The following CMBL variants were observed in gnomAD, a reference collection of about 807,000 sequenced individuals.
CMBL encodes the protein carboxymethylenebutenolidase homolog (Pseudomonas).
In CMBL, 17 loss-of-function variants were observed where a neutral mutation model predicts 28.7. The ratio of observed to expected loss-of-function variants is 0.59; its 90% CI spans 0.41 to 0.89. The LOEUF (loss-of-function observed/expected upper bound fraction) is 0.89. Ranked by LOEUF, CMBL falls within the 40% of genes least tolerant of loss-of-function variation. The pLI, the probability that CMBL is intolerant of heterozygous loss-of-function variation, is 0.00. For synonymous variants in CMBL, 106 were observed against 101.6 expected (o/e 1.04, Z -0.26); for missense variants, 310 against 298.5 (o/e 1.04, Z -0.28).
intron 1 of CMBL, among the ~76,000 whole-genome samples, chr5:10,301,499 G>A (rs1010540835): frequency 2.6e-5 from 4 of 152,034 alleles, no homozygotes; most frequent in South Asian, 2.1e-4. Context: ...GGTAAGGGGT[G>A]GGGGCGCGTG....
chr5:10,282,375 C>A (rs1746510472), intron 4 of CMBL, 87 bp from the exon 5 acceptor site: 1 of 721,502 alleles, frequency 1.4e-6, no homozygotes, highest in Non-Finnish European at 2.4e-6. Context: ...TCCCCACACT[C>A]ATGCCACAGA....
At chr5:10,301,465 G>A (rs1217386977) in intron 1 of CMBL, among the ~76,000 whole-genome samples, 1 of 151,410 alleles carries the variant, frequency 6.6e-6, no homozygotes, top group African/African-American at 2.4e-5. Context: ...TCACAATACA[G>A]CGATCATCAA....
At chr5:10,299,315 A>C (rs1372209560) in intron 1 of CMBL, among the ~76,000 whole-genome samples, 1 of 152,230 alleles carries the variant, frequency 6.6e-6, no homozygotes, top group African/African-American at 2.4e-5. Flanking sequence ...ATATGAACAG[A>C]TATTCAACCT....
At chr5:10,297,732 G>A (rs561108214) in intron 1 of CMBL, among the ~76,000 whole-genome samples, 17 of 152,134 alleles carry the variant, frequency 1.1e-4, no homozygotes, top group Admixed American at 2.6e-4. Flanking sequence ...CAATGACCCC[G>A]GGAGAGAGGG....
rs1298537253 is a variant in CMBL at position 10,278,418 on chromosome 5, C to G, written c.*2035G>C. On this transcript the variant is annotated 3_prime_UTR_variant, in exon 6 of 6. Transcript: ENST00000296658. ...GACCCCCACACCCACATGGACCATG[C>G]CGATATCCTACCCACACCGACCCCT... Among the ~76,000 whole-genome samples the G allele has an allele frequency of 6.6e-6, 1 of 152,148 alleles. No individual in the cohort carries two copies. Among genetic ancestry groups the G allele is most frequent in the Non-Finnish European group, 1.5e-5 (1 of 68,032 alleles).
rs1746669070 is a variant in CMBL at position 10,289,676 on chromosome 5, C to A, written c.215+872G>T. ...CTATTTATTTACTTATTTATTTTTA[C>A]TGGGCTTGCCCCTAGAAAGTTAAGT... On this transcript the variant is annotated intron_variant, in intron 2 of 5. Coordinates refer to ENST00000296658, the MANE Select transcript of CMBL (RefSeq NM_138809.4). The surrounding 1 kb of genome is among the most constrained non-coding windows in gnomAD (Gnocchi z 4.3). 6.6e-6 allele frequency among the ~76,000 whole-genome samples: 1 copy of A among 152,196 alleles called. No individual in the cohort carries two copies. The highest frequency in any genetic ancestry group is 6.5e-5 in the Admixed American group (1 of 15,284).
At chr5:10,285,694 C>CT (rs1252497762) in intron 4 of CMBL, among the ~76,000 whole-genome samples, 20 of 87,484 alleles carry the variant, frequency 2.3e-4, no homozygotes, top group African/African-American at 6.3e-4. Flanking sequence ...CTTTCTCTTT[C>CT]TTTTTCTTTT....
At chr5:10,290,470 TTTTA>T in intron 2 of CMBL, 74 bp downstream of exon 2, 1 of 1,283,326 alleles carries the variant, frequency 7.8e-7, no homozygotes, top group Non-Finnish European at 1.1e-6. Flanking sequence ...ACCGCTGTGG[TTTTA>T]TTTTTTAAAG....
intron 1 of CMBL, among the ~76,000 whole-genome samples, chr5:10,295,856 C>G (rs929205980): frequency 1.2e-4 from 18 of 152,338 alleles, no homozygotes; most frequent in African/African-American, 4.3e-4. Flanking sequence ...ACAGTGTAAA[C>G]AAGTGTCCTT....
In CMBL at chr5:10,296,775, A is replaced by G. The variant is rs558650657; in HGVS notation, c.-19-5994T>C. On this transcript the variant is annotated intron_variant, in intron 1 of 5. Coordinates refer to ENST00000296658, the MANE Select transcript of CMBL (RefSeq NM_138809.4). ...GAAGAATGGGTGTTGAGGGGAGAACAATGAATGCTGAGTGTTGCCCTCCGC... is the reference window on the plus strand; with the variant it reads ...GAAGAATGGGTGTTGAGGGGAGAACGATGAATGCTGAGTGTTGCCCTCCGC... Among the ~76,000 whole-genome samples the G allele has an allele frequency of 5.5e-4, 84 of 152,296 alleles. 1 individual carries two copies. The highest frequency in any genetic ancestry group is 3.4e-3 in the Middle Eastern group (1 of 294).
chr5:10,289,772 C>T lies in CMBL; in HGVS notation c.215+776G>A, dbSNP rs1446140460. 1.3e-5 allele frequency among the ~76,000 whole-genome samples: 2 copies of T among 152,168 alleles called. No individual in the cohort carries two copies. The highest frequency in any genetic ancestry group is 4.8e-5 in the African/African-American group (2 of 41,428). On this transcript the variant is annotated intron_variant, in intron 2 of 5. Transcript: ENST00000296658. This position sits in a 1 kb window ranked among gnomAD's most constrained non-coding sequence, Gnocchi z 4.3. ...TTTCATTCAGCACCGACTCTGCATC[C>T]CACCAGGGTGGGCATGATTCCTTTA...
At chr5:10,281,036 T>A (rs1201327525) in intron 5 of CMBL, among the ~76,000 whole-genome samples, 5 of 152,192 alleles carry the variant, frequency 3.3e-5, no homozygotes, top group African/African-American at 1.2e-4. Context: ...TGCCTCCCAA[T>A]GTGTTGGGAT....
Position 10,280,584 on chromosome 5 carries a change from G to C in CMBL, c.607C>G (p.Gln203Glu). 6.2e-7 allele frequency: 1 copy of C among 1,613,292 alleles called. No individual in the cohort carries two copies. The highest frequency in any genetic ancestry group is 2.2e-5 in the East Asian group (1 of 44,850). Residue 203 changes from glutamine (Q) to glutamate (E), a missense_variant, in exon 6 of 6, where the codon CAA becomes GAA. Transcript: ENST00000296658. ...GTCTGCCCAGAAAATGTTTTAATTTGATATTCAACTTTGCAGTGTTCTTTC... is the reference window on the plus strand; with the variant it reads ...GTCTGCCCAGAAAATGTTTTAATTTCATATTCAACTTTGCAGTGTTCTTTC... ...KLKEHCKVEY[Q>E]IKTFSGQTHG...
chr5:10,303,624 A>G (rs1044089688), intron 1 of CMBL, among the ~76,000 whole-genome samples: 1 of 152,128 alleles, frequency 6.6e-6, no homozygotes, highest in Admixed American at 6.6e-5. Context: ...TAAGCCCCCA[A>G]CCAACTGACT....
intron 5 of CMBL, among the ~76,000 whole-genome samples, chr5:10,280,870 T>A (rs563408883): frequency 1.3e-5 from 2 of 152,288 alleles, no homozygotes; most frequent in South Asian, 4.2e-4. Context: ...GCCTCCCACA[T>A]TCAAGTGATT....
chr5:10,284,857 T>C (rs1277258419), intron 4 of CMBL, among the ~76,000 whole-genome samples: 2 of 152,244 alleles, frequency 1.3e-5, no homozygotes, highest in Non-Finnish European at 2.9e-5. Flanking sequence ...AATGCTTCTA[T>C]ATCATGAATT....
rs1438129696 is a variant in CMBL at position 10,289,720 on chromosome 5, G to A, written c.215+828C>T. On this transcript the variant is annotated intron_variant, in intron 2 of 5. Coordinates refer to ENST00000296658, the MANE Select transcript of CMBL (RefSeq NM_138809.4). This position sits in a 1 kb window ranked among gnomAD's most constrained non-coding sequence, Gnocchi z 4.3. ...GTTAAGTCCCCTCACATGGGGACGT[G>A]AAAAAGGAAAACTTCAAGGAAGGTC... Among the ~76,000 whole-genome samples, 2 of 152,186 alleles carry A rather than the reference G, an allele frequency of 1.3e-5. No individual in the cohort carries two copies. The highest frequency in any genetic ancestry group is 4.8e-5 in the African/African-American group (2 of 41,454).
chr5:10,290,477 T>C (rs1746688677), intron 2 of CMBL, 71 bp downstream of exon 2: 1 of 1,388,546 alleles, frequency 7.2e-7, no homozygotes, highest in Non-Finnish European at 1.0e-6. Flanking sequence ...TGGTTTTATT[T>C]TTTAAAGGGA....
intron 1 of CMBL, among the ~76,000 whole-genome samples, chr5:10,300,634 T>C (rs1314454288): frequency 6.6e-6 from 1 of 151,730 alleles, no homozygotes; most frequent in Non-Finnish European, 1.5e-5. Flanking sequence ...ACCCCGTCTC[T>C]ACAAAAAAAT....
Sources: allele counts gnomAD v4.1 joint callset (sites outside exome capture counted in the v4.1 genomes callset), GRCh38; gene constraint gnomAD v4.1.1; non-coding constraint Gnocchi (gnomAD v3.1); transcripts MANE v1.5; gene names NCBI Gene and HGNC (gene_info 2026-07-23, HGNC 2026-07-21).